Variants in ATP2B2 observed in about 807,000 individuals in gnomAD.
ATP2B2 encodes the protein ATPase plasma membrane Ca2+ transporting 2.
ATP2B2 carries 15 observed loss-of-function variants against 120.0 expected under a neutral mutation model. The observed-to-expected ratio is 0.12, with a 90% confidence interval of 0.08 to 0.19. ATP2B2 has a LOEUF of 0.19. Among genes scored for constraint, ATP2B2 ranks in the 10% least tolerant of loss-of-function variants. The pLI, the probability that ATP2B2 is intolerant of heterozygous loss-of-function variation, is 1.00. For missense variants in ATP2B2, 1,045 were observed against 1,719.8 expected (o/e 0.61, Z 6.94); for synonymous variants, 694 against 700.3 (o/e 0.99, Z 0.14).
chr3:10,484,504 T>C (rs940690306), intron 1 of ATP2B2, among the ~76,000 whole-genome samples: 2 of 152,120 alleles, frequency 1.3e-5, no homozygotes, highest in Admixed American at 1.3e-4. Flanking sequence ...GAGCTCTCCA[T>C]GACCCACCTG....
At chr3:10,372,177 C>A in intron 11 of ATP2B2, 126 bp from the exon 12 acceptor site, 1 of 1,358,084 alleles carries the variant, frequency 7.4e-7, no homozygotes, top group South Asian at 1.2e-5. Context: ...CCTTTGCTTC[C>A]GGCACTTGTA....
chr3:10,636,635 GGACATCA>G (rs2070029744), intron 1 of ATP2B2, among the ~76,000 whole-genome samples: 1 of 152,172 alleles, frequency 6.6e-6, no homozygotes, highest in Non-Finnish European at 1.5e-5. Flanking sequence ...GCACGATGCT[GGACATCA>G]GACAACAATG....
chr3:10,430,706 C>A (rs908372388), intron 2 of ATP2B2, among the ~76,000 whole-genome samples: 1 of 151,764 alleles, frequency 6.6e-6, no homozygotes, highest in Non-Finnish European at 1.5e-5. Flanking sequence ...TCAGAAATAG[C>A]ACCCCCTACT....
intron 2 of ATP2B2, among the ~76,000 whole-genome samples, chr3:10,428,355 A>G (rs886448248): frequency 9.2e-5 from 14 of 151,802 alleles, no homozygotes; most frequent in Admixed American, 2.0e-4. Flanking sequence ...CTTTTTTTCT[A>G]TTTTTCCTTT....
intron 22 of ATP2B2, chr3:10,332,455 A>C (rs2060006789): frequency 5.4e-6 from 1 of 186,308 alleles, no homozygotes; most frequent in Non-Finnish European, 1.2e-5. Flanking sequence ...AATGAGAAAG[A>C]GAGGCTGTGC....
chr3:10,359,086 GCAATTTTTGCC>G (rs2060822386), intron 13 of ATP2B2, among the ~76,000 whole-genome samples, 161 bp from the exon 14 acceptor site: 1 of 152,150 alleles, frequency 6.6e-6, no homozygotes, highest in Non-Finnish European at 1.5e-5. Flanking sequence ...CATTCGTCCT[GCAATTTTTGCC>G]CAGGCCACTC....
At chr3:10,526,165 C>T (rs1452125009) in intron 3 of ATP2B2, among the ~76,000 whole-genome samples, 6 of 152,248 alleles carry the variant, frequency 3.9e-5, no homozygotes, top group African/African-American at 1.4e-4. Context: ...TACAGCAAAC[C>T]CCATCCTCTC....
chr3:10,326,329 T>C lies in ATP2B2; in HGVS notation c.*2485A>G. On this transcript the variant is annotated 3_prime_UTR_variant, in exon 23 of 23. Transcript: ENST00000360273. ...CATGTGTGCAAGCATCCTTCATTCC[T>C]GACAAGAGAAGACCAACGCTAATGT... is the stretch of plus-strand genomic sequence containing the variant. 5.9e-6 allele frequency: 1 copy of C among 169,046 alleles called. No individual in the cohort carries two copies. The highest frequency in any genetic ancestry group is 1.3e-5 in the Non-Finnish European group (1 of 79,196). The allele number at this position is 169,046 out of a possible 1,614,324, so 10.5% of individuals were successfully genotyped here.
intron 1 of ATP2B2, among the ~76,000 whole-genome samples, chr3:10,640,585 G>A (rs1272377012): frequency 6.6e-6 from 1 of 152,202 alleles, no homozygotes; most frequent in Non-Finnish European, 1.5e-5. Context: ...GAGGCCAGAA[G>A]GCAGGAGAAG....
chr3:10,383,721 A>C (rs995457610), intron 8 of ATP2B2, among the ~76,000 whole-genome samples: 1 of 152,208 alleles, frequency 6.6e-6, no homozygotes, highest in African/African-American at 2.4e-5. Flanking sequence ...ATGAGGATTA[A>C]ATGAGATGGT....
At chr3:10,365,987 C>A (rs971125302) in intron 12 of ATP2B2, among the ~76,000 whole-genome samples, 3 of 151,552 alleles carry the variant, frequency 2.0e-5, no homozygotes, top group African/African-American at 4.9e-5. Context: ...GCCAAAAAAA[C>A]CAAAAGCAAA....
intron 9 of ATP2B2, 118 bp downstream of exon 9, chr3:10,379,125 T>C: frequency 8.1e-7 from 1 of 1,240,040 alleles, no homozygotes; most frequent in South Asian, 1.3e-5. Context: ...GTCAGACACC[T>C]GTAGGAGTGG....
In ATP2B2 at chr3:10,686,043, CTTTTTT is replaced by C. The variant is rs34073958; in HGVS notation, c.-460+21866_-460+21871del. ...GTTCCCTGTCTTTCTTTCCTCCTTT[CTTTTTT>C]TTTTTTTTTTTTTTTTTGAGACGGT... On this transcript the variant is annotated intron_variant, in intron 1 of 21. Coordinates refer to the ATP2B2 transcript ENST00000646379. 1.1e-4 allele frequency among the ~76,000 whole-genome samples: 10 copies of C among 93,214 alleles called. No homozygotes were observed. In the South Asian group the frequency reaches 2.2e-3, roughly 20 times the overall value. 61.2% of individuals were successfully genotyped at this position (93,214 alleles called of 152,430 possible).
intron 1 of ATP2B2, among the ~76,000 whole-genome samples, chr3:10,474,162 C>G (rs1381288194): frequency 6.6e-6 from 1 of 151,868 alleles, no homozygotes; most frequent in Non-Finnish European, 1.5e-5. Flanking sequence ...ATAACCTGAG[C>G]TATGCCATTA....
At chr3:10,693,677 T>C (rs910536805) in intron 1 of ATP2B2, among the ~76,000 whole-genome samples, 1 of 152,228 alleles carries the variant, frequency 6.6e-6, no homozygotes, top group Non-Finnish European at 1.5e-5. Flanking sequence ...TTTGTTTCTG[T>C]TATGTGGAAT....
At chr3:10,333,102 G>T (rs1245105849) in intron 22 of ATP2B2, among the ~76,000 whole-genome samples, 1 of 152,138 alleles carries the variant, frequency 6.6e-6, no homozygotes, top group Non-Finnish European at 1.5e-5. Context: ...GAGGGCCTGC[G>T]ATGTGTTCAG....
chr3:10,355,942 GCGGGCGCC>G lies in ATP2B2; in HGVS notation c.2136+2741_2136+2748del, dbSNP rs1213501126. On this transcript the variant is annotated intron_variant, in intron 14 of 22. Transcript: ENST00000360273. ...TACAAAAAATTAGCCGGGCGTGGTA[GCGGGCGCC>G]TGTAGTCCCAGCTACTCGGGAGGCT... Among the ~76,000 whole-genome samples, 8 of 77,136 alleles carry G rather than the reference GCGGGCGCC, an allele frequency of 1.0e-4. 2 individuals are homozygous for G. Among genetic ancestry groups the G allele is most frequent in the South Asian group, 1.5e-3 (1 of 668 alleles). The allele number at this position is 77,136 out of a possible 152,430, so 50.6% of individuals were successfully genotyped here.
At chr3:10,336,447 C>T in intron 22 of ATP2B2, 2 of 879,584 alleles carry the variant, frequency 2.3e-6, no homozygotes, top group Non-Finnish European at 3.4e-6. Context: ...AGACACACTC[C>T]AAGGCTCTGA....
At position 10,405,073 on chromosome 3, in the gene ATP2B2, G is replaced by T. The variant is rs2124988235; in HGVS notation, c.398-2725C>A. ...CTAGTTCAAGTCCAACCTCTGCTGT[G>T]TGACTTTAGGTAAGTGACTTGGCCT... On this transcript the variant is annotated intron_variant, in intron 3 of 22. Coordinates refer to ENST00000360273, the MANE Select transcript of ATP2B2 (RefSeq NM_001001331.4). Among the ~76,000 whole-genome samples, 2 of 152,304 alleles carry T rather than the reference G, an allele frequency of 1.3e-5. 1 individual carries two copies. Among genetic ancestry groups the T allele is most frequent in the Admixed American group, 1.3e-4 (2 of 15,298 alleles).
Sources: gnomAD v4.1 joint callset for allele counts (sites outside exome capture counted in the v4.1 genomes callset) on GRCh38, gnomAD v4.1.1 for gene constraint, MANE v1.5 for transcripts, NCBI Gene and HGNC (gene_info 2026-07-23, HGNC 2026-07-21) for gene names.